Variants in CA10 observed in about 807,000 individuals in gnomAD.
CA10 encodes the protein carbonic anhydrase-related protein 10.
A neutral mutation model predicts 44.2 loss-of-function variants in CA10; 14 were observed. That is an observed-to-expected ratio of 0.32 (90% CI 0.21 to 0.50). The LOEUF is 0.50. Ranked by LOEUF, CA10 falls within the 20% of genes least tolerant of loss-of-function variation. The pLI is 0.99. For synonymous variants in CA10, 159 were observed against 141.6 expected (o/e 1.12, Z -0.87); for missense variants, 350 against 409.7 (o/e 0.85, Z 1.26).
intron 4 of CA10, among the ~76,000 whole-genome samples, chr17:51,717,351 G>A (rs1200778824): frequency 1.3e-5 from 2 of 151,850 alleles, no homozygotes; most frequent in Non-Finnish European, 2.9e-5. Flanking sequence ...TGTTGGCCAG[G>A]AAAATGAACC....
chr17:52,121,808 A>T (rs561222096), intron 1 of CA10, among the ~76,000 whole-genome samples: 2 of 152,148 alleles, frequency 1.3e-5, no homozygotes, highest in Non-Finnish European at 2.9e-5. Context: ...TCTCCCAGAC[A>T]ATCCTGCCCC....
chr17:51,752,074 G>A (rs915888012), intron 3 of CA10, among the ~76,000 whole-genome samples: 1 of 151,918 alleles, frequency 6.6e-6, no homozygotes, highest in Non-Finnish European at 1.5e-5. Flanking sequence ...TTCTTACAAC[G>A]AGATGCAACA....
At chr17:51,937,184 C>T (rs1431267621) in intron 2 of CA10, among the ~76,000 whole-genome samples, 1 of 152,132 alleles carries the variant, frequency 6.6e-6, no homozygotes, top group Non-Finnish European at 1.5e-5. Flanking sequence ...TAAAGCCTTC[C>T]ACTTCAATAT....
intron 2 of CA10, among the ~76,000 whole-genome samples, chr17:52,063,346 C>T (rs898267998): frequency 6.6e-6 from 1 of 152,074 alleles, no homozygotes; most frequent in Non-Finnish European, 1.5e-5. Context: ...CTTTCGGGAC[C>T]ATTGGGATAG....
intron 3 of CA10, among the ~76,000 whole-genome samples, chr17:51,883,634 C>T (rs1980472810): frequency 6.6e-6 from 1 of 152,166 alleles, no homozygotes; most frequent in South Asian, 2.1e-4. Flanking sequence ...ATACCACACT[C>T]TTCCAGTTTC....
intron 4 of CA10, among the ~76,000 whole-genome samples, chr17:51,662,115 G>A (rs967133754): frequency 2.6e-5 from 4 of 152,180 alleles, no homozygotes; most frequent in Non-Finnish European, 5.9e-5. Flanking sequence ...TATACAGATA[G>A]GAAAATACAT....
rs551549605 is a variant in CA10, at chr17:51,824,903, A to T, written c.280-77085T>A. Among the ~76,000 whole-genome samples the T allele has an allele frequency of 2.0e-5, 3 of 152,316 alleles. No homozygotes were observed. In the East Asian group the frequency reaches 5.8e-4, roughly 29 times the overall value. ...TTCCTCACTTTACTAAGCAATGGCCATTTGCAGGCGTGGCCTTGGCAGCGG... is the reference window on the plus strand; with the variant it reads ...TTCCTCACTTTACTAAGCAATGGCCTTTTGCAGGCGTGGCCTTGGCAGCGG... On this transcript the variant is annotated intron_variant, in intron 3 of 8. Coordinates refer to ENST00000451037, the MANE Select transcript of CA10 (RefSeq NM_020178.5).
At chr17:52,107,831 C>A (rs1988693550) in intron 1 of CA10, among the ~76,000 whole-genome samples, 1 of 152,098 alleles carries the variant, frequency 6.6e-6, no homozygotes, top group Non-Finnish European at 1.5e-5. Flanking sequence ...GTAGGGTGAG[C>A]ACAGTGTAAT....
chr17:52,033,947 T>C (rs544853968), intron 2 of CA10, among the ~76,000 whole-genome samples: 1 of 152,290 alleles, frequency 6.6e-6, no homozygotes. Context: ...AATACAAATA[T>C]TGCGTGATAT....
intron 2 of CA10, 129 bp from the exon 3 acceptor site, chr17:51,931,261 C>T: frequency 2.4e-6 from 2 of 838,648 alleles, no homozygotes; most frequent in Admixed American, 2.6e-5. Flanking sequence ...CATGGAGATC[C>T]TTGGGGGTTG....
At chr17:51,777,566 T>A (rs2143669247) in intron 3 of CA10, among the ~76,000 whole-genome samples, 1 of 152,250 alleles carries the variant, frequency 6.6e-6, no homozygotes, top group Middle Eastern at 3.4e-3. Context: ...AAGGGAATGA[T>A]CAGATATGTG....
intron 1 of CA10, among the ~76,000 whole-genome samples, chr17:52,123,947 A>G (rs974273341): frequency 2.0e-5 from 3 of 152,224 alleles, no homozygotes; most frequent in African/African-American, 7.2e-5. Flanking sequence ...GTCAAGAACA[A>G]TCATTAAGAG....
chr17:52,146,098 A>G (rs961305111), intron 1 of CA10, among the ~76,000 whole-genome samples: 1 of 152,180 alleles, frequency 6.6e-6, no homozygotes, highest in Non-Finnish European at 1.5e-5. Context: ...TTCGCAAACC[A>G]TTTTCCCTTT....
At chr17:51,837,550 T>A (rs1257005550) in intron 3 of CA10, among the ~76,000 whole-genome samples, 1 of 152,178 alleles carries the variant, frequency 6.6e-6, no homozygotes, top group East Asian at 1.9e-4. Context: ...GTGGTACAAG[T>A]CAGGATTGGA....
intron 3 of CA10, among the ~76,000 whole-genome samples, chr17:51,885,638 G>C (rs1232367873): frequency 6.6e-6 from 1 of 152,144 alleles, no homozygotes; most frequent in Admixed American, 6.5e-5. Context: ...TTTCTCACTA[G>C]AAATTTTATC....
At chr17:51,806,335 G>A (rs1436014463) in intron 3 of CA10, among the ~76,000 whole-genome samples, 1 of 152,154 alleles carries the variant, frequency 6.6e-6, no homozygotes, top group Non-Finnish European at 1.5e-5. Flanking sequence ...ATTTTGGGAG[G>A]CTTTCTCAGT....
intron 3 of CA10, among the ~76,000 whole-genome samples, chr17:51,783,627 G>A (rs1906142557): frequency 1.3e-5 from 2 of 152,112 alleles, no homozygotes; most frequent in South Asian, 2.1e-4. Context: ...TGAAAAGAAA[G>A]AAATAGAGAA....
intron 3 of CA10, chr17:51,761,834 TC>T (rs1281286074): frequency 6.6e-6 from 1 of 152,178 alleles, no homozygotes; most frequent in Non-Finnish European, 1.5e-5. Flanking sequence ...CAAACAGGTC[TC>T]TACCCTTCAG....
At position 51,667,509 on chromosome 17, in the gene CA10, A is replaced by G. The variant is rs116393350; in HGVS notation, c.466-13773T>C. ...TGTGGCTAGGAAAGTCAGTTTCCCTATCCGTAAATTGGAAGAATGATTGAT... is the reference window on the plus strand; with the variant it reads ...TGTGGCTAGGAAAGTCAGTTTCCCTGTCCGTAAATTGGAAGAATGATTGAT... On this transcript the variant is annotated intron_variant, in intron 4 of 8. Transcript: ENST00000451037. Among the ~76,000 whole-genome samples, 1,234 of 151,860 alleles carry G rather than the reference A, an allele frequency of 8.1e-3. 27 individuals carry two copies. Among genetic ancestry groups the G allele is most frequent in the African/African-American group, 0.028 (1,172 of 41,370 alleles).
Sources: gnomAD v4.1 joint callset for allele counts (sites outside exome capture counted in the v4.1 genomes callset) on GRCh38, gnomAD v4.1.1 for gene constraint, MANE v1.5 for transcripts, NCBI Gene and HGNC (gene_info 2026-07-23, HGNC 2026-07-21) for gene names.